Variants in SLC60A2 observed in about 807,000 individuals in gnomAD.
SLC60A2 encodes the protein solute carrier family 60 member 2, also known as major facilitator superfamily domain containing 4B.
chr6:111,277,987 T>G, the SLC60A2 span: 1 of 152,194 alleles, frequency 6.6e-6, no homozygotes, highest in Non-Finnish European at 1.5e-5. Context: ...GCTCTTTCCC[T>G]TATCACTTGC....
the SLC60A2 span, among the ~76,000 whole-genome samples, chr6:111,272,807 C>T: frequency 6.6e-5 from 10 of 151,580 alleles, no homozygotes; most frequent in Admixed American, 3.3e-4. Flanking sequence ...CCACCGCACC[C>T]GATCTCTATC....
At chr6:111,279,586 C>T in the SLC60A2 span, among the ~76,000 whole-genome samples, 4 of 150,930 alleles carry the variant, frequency 2.7e-5, no homozygotes, top group Admixed American at 2.6e-4. Context: ...AGGAAGAGAT[C>T]TCATGTTTTC....
chr6:111,268,160 GAT>G, the SLC60A2 span: 2 of 152,188 alleles, frequency 1.3e-5, no homozygotes, highest in South Asian at 4.1e-4. Context: ...AAACCAAAAT[GAT>G]AAATAGCTTT....
At chr6:111,274,248 T>C in the SLC60A2 span, among the ~76,000 whole-genome samples, 2 of 152,206 alleles carry the variant, frequency 1.3e-5, no homozygotes, top group African/African-American at 4.8e-5. Context: ...TCTTTATCAT[T>C]ATATAATGAT....
chr6:111,259,955 G>T, the SLC60A2 span, among the ~76,000 whole-genome samples: 4 of 136,284 alleles, frequency 2.9e-5, no homozygotes, highest in African/African-American at 1.1e-4. Flanking sequence ...CTGTTGCCCA[G>T]GCTGGAGTGC....
chr6:111,259,622 T>TGAGCCG, the SLC60A2 span: 57 of 1,481,430 alleles, frequency 3.8e-5, no homozygotes, highest in Non-Finnish European at 4.9e-5. Context: ...CGGCGGAGAA[T>TGAGCCG]GAGCCGGAGC....
At chr6:111,263,286 A>G in the SLC60A2 span, among the ~76,000 whole-genome samples, 2 of 152,202 alleles carry the variant, frequency 1.3e-5, no homozygotes, top group African/African-American at 2.4e-5. Context: ...GAGAAAATTT[A>G]GATTAATATG....
chr6:111,276,461 A>G, the SLC60A2 span, among the ~76,000 whole-genome samples: 1 of 152,206 alleles, frequency 6.6e-6, no homozygotes, highest in African/African-American at 2.4e-5. Context: ...CATTATGATC[A>G]TATCAGTAGC....
At chr6:111,260,080 T>A in the SLC60A2 span, among the ~76,000 whole-genome samples, 1 of 152,074 alleles carries the variant, frequency 6.6e-6, no homozygotes, top group Non-Finnish European at 1.5e-5. Context: ...CCGGCTAATT[T>A]TTGTATTTTT....
At chr6:111,275,782 A>G in the SLC60A2 span, among the ~76,000 whole-genome samples, 1 of 152,226 alleles carries the variant, frequency 6.6e-6, no homozygotes, top group African/African-American at 2.4e-5. Flanking sequence ...AATATACTTA[A>G]TGGAAAAATG....
the SLC60A2 span, among the ~76,000 whole-genome samples, chr6:111,262,878 A>G: frequency 2.0e-5 from 3 of 151,970 alleles, no homozygotes; most frequent in African/African-American, 7.2e-5. Context: ...CTGCTGCCCC[A>G]TGTTGTCGTT....
chr6:111,274,558 G>A, the SLC60A2 span, among the ~76,000 whole-genome samples: 1 of 151,920 alleles, frequency 6.6e-6, no homozygotes, highest in Non-Finnish European at 1.5e-5. Flanking sequence ...TTGTCATTTT[G>A]TGAGTTGTTT....
the SLC60A2 span, chr6:111,266,555 T>C: frequency 2.1e-5 from 34 of 1,614,112 alleles, no homozygotes; most frequent in Non-Finnish European, 2.8e-5. Flanking sequence ...TGTATGGGGC[T>C]TCAATGGCAA....
chr6:111,267,224 T>G, the SLC60A2 span: 4 of 1,172,016 alleles, frequency 3.4e-6, no homozygotes, highest in Admixed American at 1.0e-4. Flanking sequence ...GGATTAAAAT[T>G]TTTAGGTCCA....
the SLC60A2 span, among the ~76,000 whole-genome samples, chr6:111,276,608 A>G: frequency 6.6e-6 from 1 of 152,184 alleles, no homozygotes; most frequent in South Asian, 2.1e-4. Context: ...GGCTCTGTAG[A>G]CTAAGTATTA....
chr6:111,276,913 A>G, the SLC60A2 span, among the ~76,000 whole-genome samples: 1 of 151,964 alleles, frequency 6.6e-6, no homozygotes, highest in Non-Finnish European at 1.5e-5. Context: ...CATTGCCCTT[A>G]TTGGGCCTTG....
the SLC60A2 span, among the ~76,000 whole-genome samples, chr6:111,278,903 G>A: frequency 5.3e-5 from 8 of 152,286 alleles, no homozygotes; most frequent in South Asian, 2.1e-4. Context: ...AGGGAAAAAC[G>A]TGATTGCAAA....
At chr6:111,271,775 TAAAAAAAAAA>T in the SLC60A2 span, among the ~76,000 whole-genome samples, 18 of 18,850 alleles carry the variant, frequency 9.5e-4, no homozygotes, top group African/African-American at 2.4e-3. Context: ...CCATCTCTAC[TAAAAAAAAAA>T]AAAAAAAAAA....
the SLC60A2 span, chr6:111,266,188 C>T: frequency 1.2e-6 from 2 of 1,612,312 alleles, no homozygotes; most frequent in Admixed American, 3.4e-5. Context: ...AAGAATAGCT[C>T]AAAGCAAGAA....
Sources: gnomAD v4.1 joint callset for allele counts (sites outside exome capture counted in the v4.1 genomes callset) on GRCh38, gnomAD v4.1.1 for gene constraint, MANE v1.5 for transcripts, NCBI Gene and HGNC (gene_info 2026-07-23, HGNC 2026-07-21) for gene names.